Variants in CD47 observed in about 807,000 individuals in gnomAD.
The protein encoded by CD47 is CD47 molecule, also known as leukocyte surface antigen CD47.
CD47 carries 11 observed loss-of-function variants against 44.6 expected under a neutral mutation model. That is an observed-to-expected ratio of 0.25 (90% CI 0.16 to 0.41). The LOEUF (loss-of-function observed/expected upper bound fraction) is 0.41, where lower values mean the gene tolerates loss of function less well. Ranked by LOEUF, CD47 falls within the 10% of genes least tolerant of loss-of-function variation. The pLI is 1.00. For missense variants in CD47, 306 were observed against 386.7 expected (o/e 0.79, Z 1.75); for synonymous variants, 140 against 136.3 (o/e 1.03, Z -0.19).
intron 3 of CD47, among the ~76,000 whole-genome samples, chr3:108,061,760 C>T (rs909173135): frequency 2.6e-5 from 4 of 152,092 alleles, no homozygotes; most frequent in African/African-American, 7.2e-5. Context: ...AACTGAGTAG[C>T]GGAAAGAAAC....
chr3:108,089,203 G>A lies in CD47; in HGVS notation c.46+1660C>T, dbSNP rs2079580649. 1.3e-5 allele frequency among the ~76,000 whole-genome samples: 2 copies of A among 151,976 alleles called. 1 individual carries two copies. The highest frequency in any genetic ancestry group is 4.1e-4 in the South Asian group (2 of 4,820). ...AACACAACTCAACTGCATAATGCCT[G>A]TATTTTGCTTTTTTTTTAGGTTAAT... On this transcript the variant is annotated intron_variant, in intron 1 of 10. Coordinates refer to ENST00000361309, the MANE Select transcript of CD47 (RefSeq NM_001777.4).
chr3:108,090,827 C>CAGCAGCCGCAGGGCTGGGAGCG, intron 1 of CD47, 36 bp downstream of exon 1: 2 of 1,462,290 alleles, frequency 1.4e-6, no homozygotes, highest in Non-Finnish European at 1.8e-6. Context: ...GGCGAAGCGA[C>CAGCAGCCGCAGGGCTGGGAGCG]AGCAGCCGCA....
intron 2 of CD47, 92 bp from the exon 3 acceptor site, chr3:108,071,274 A>G (rs2079196684): frequency 3.4e-6 from 2 of 588,970 alleles, no homozygotes; most frequent in Non-Finnish European, 5.9e-6. Context: ...TATTATAGAG[A>G]TGGAAAAAAA....
At chr3:108,082,575 G>C (rs1391520813) in intron 1 of CD47, among the ~76,000 whole-genome samples, 1 of 151,730 alleles carries the variant, frequency 6.6e-6, no homozygotes, top group Non-Finnish European at 1.5e-5. Context: ...TTTTATATTT[G>C]TATGAATCAT....
At chr3:108,075,672 G>T (rs2079297532) in intron 2 of CD47, among the ~76,000 whole-genome samples, 1 of 152,126 alleles carries the variant, frequency 6.6e-6, no homozygotes, top group Non-Finnish European at 1.5e-5. Context: ...TGGGAGACTA[G>T]GACTGTGAAT....
chr3:108,065,589 G>C (rs1037454470), intron 3 of CD47, among the ~76,000 whole-genome samples: 2 of 151,924 alleles, frequency 1.3e-5, no homozygotes, highest in African/African-American at 4.8e-5. Flanking sequence ...GAGACAGACG[G>C]ATCACGAGGT....
intron 10 of CD47, among the ~76,000 whole-genome samples, chr3:108,047,516 T>A (rs2078740450): frequency 6.6e-6 from 1 of 152,230 alleles, no homozygotes; most frequent in South Asian, 2.1e-4. Context: ...AGTCTGATAA[T>A]CTCTGTTTGC....
rs1000652265 is a variant in CD47, at chr3:108,048,294, C to A, written c.968-1002G>T. 5.4e-5 allele frequency among the ~76,000 whole-genome samples: 8 copies of A among 146,868 alleles called. No homozygotes were observed. The Admixed American group carries it at 5.5e-4, about 10-fold the overall frequency. On this transcript the variant is annotated intron_variant, in intron 10 of 10. Coordinates refer to ENST00000361309, the MANE Select transcript of CD47 (RefSeq NM_001777.4). The stretch of plus-strand genomic sequence containing the variant: ...TTTTAAAGGCTGTGACACAAACATA[C>A]AAAAGTAGGATCATTCTGTGACTCC...
At chr3:108,074,590 AGGCGTG>A (rs1044294976) in intron 2 of CD47, among the ~76,000 whole-genome samples, 2 of 151,870 alleles carry the variant, frequency 1.3e-5, no homozygotes, top group African/African-American at 4.8e-5. Flanking sequence ...CTGGTATTAC[AGGCGTG>A]GGCTGCCACA....
At chr3:108,083,684 C>T (rs1387894081) in intron 1 of CD47, among the ~76,000 whole-genome samples, 2 of 151,916 alleles carry the variant, frequency 1.3e-5, no homozygotes, top group East Asian at 1.9e-4. Context: ...CCTGCTCCTC[C>T]GGGCCTTCAA....
At chr3:108,050,175 T>C (rs1003908707) in intron 9 of CD47, among the ~76,000 whole-genome samples, 2 of 152,184 alleles carry the variant, frequency 1.3e-5, no homozygotes, top group African/African-American at 4.8e-5. Flanking sequence ...TGGAGTGCGG[T>C]GGCATGATCT....
chr3:108,059,834 T>C (rs1389060125), intron 4 of CD47, among the ~76,000 whole-genome samples: 1 of 152,220 alleles, frequency 6.6e-6, no homozygotes, highest in Non-Finnish European at 1.5e-5. Flanking sequence ...CTTCATCTGC[T>C]GTATTCAGTA....
chr3:108,057,480 C>T lies in CD47; in HGVS notation c.874G>A (p.Val292Met). The change falls in exon 7 of 11, where the codon GTG (valine) becomes ATG (methionine). Residue 292 changes from valine (V) to methionine (M), a missense_variant. Transcript: ENST00000361309. ...QLLGLVYMKF[V>M]ASNQKTIQPP... ...AATGAAAATAAGATTGACTTACCCA[C>T]AAATTTCATATAAACTAGTCCAAGT... 1 of 1,444,442 alleles carries T rather than the reference C, an allele frequency of 6.9e-7. No individual in the cohort carries two copies. The highest frequency in any genetic ancestry group is 1.2e-5 in the South Asian group (1 of 86,032). The allele number at this position is 1,444,442 out of a possible 1,614,324, so 89.5% of individuals were successfully genotyped here.
intron 7 of CD47, among the ~76,000 whole-genome samples, chr3:108,054,969 A>C (rs889914200): frequency 2.0e-5 from 3 of 152,178 alleles, no homozygotes; most frequent in African/African-American, 7.2e-5. Context: ...GCCCAACTTT[A>C]GTGAGTTTGG....
chr3:108,052,007 AAT>A, intron 7 of CD47, 37 bp from the exon 8 acceptor site: 1 of 1,019,072 alleles, frequency 9.8e-7, no homozygotes, highest in South Asian at 1.4e-5. Flanking sequence ...AAATTTAATA[AAT>A]GAAATAAACT....
chr3:108,063,116 C>T (rs977191102), intron 3 of CD47, among the ~76,000 whole-genome samples: 2 of 152,100 alleles, frequency 1.3e-5, no homozygotes, highest in Non-Finnish European at 2.9e-5. Flanking sequence ...TAAAATGGTC[C>T]GTCTCTCTTT....
chr3:108,080,107 T>A lies in CD47; in HGVS notation c.284A>T (p.Asp95Val). The change falls in exon 2 of 11, where the codon GAT becomes GTT. Residue 95 changes from aspartate to valine, a missense_variant. Asp to Val is a radical substitution (Grantham distance 152). This residue lies in a region of CD47 where 47 missense variants were observed against 36.2 expected (regional missense o/e 1.30). Coordinates refer to ENST00000361309, the MANE Select transcript of CD47 (RefSeq NM_001777.4). ...ACTCTTATCCATCTTCAAAGAGGCA[T>A]CTCCTTTTAGTAATTGTGAGACTTC... Reference protein sequence around the residue: ...KIEVSQLLKGDASLKMDKSDA... With the variant: ...KIEVSQLLKGVASLKMDKSDA... 6.2e-7 allele frequency: 1 copy of A among 1,613,066 alleles called. No homozygotes were observed. Among genetic ancestry groups the A allele is most frequent in the South Asian group, 1.1e-5 (1 of 91,060 alleles).
intron 1 of CD47, among the ~76,000 whole-genome samples, chr3:108,089,531 T>C (rs981391595): frequency 6.6e-6 from 1 of 152,228 alleles, no homozygotes; most frequent in Non-Finnish European, 1.5e-5. Context: ...GAAATTATTA[T>C]GCGATTATAC....
chr3:108,043,609 T>C lies in CD47; in HGVS notation c.*3679A>G, dbSNP rs563858672. ...CTGGAGTTCTCTTTATTTAGAATGGTTAATAGATATTTATACGATGTGGGA... is the reference window on the plus strand; with the variant it reads ...CTGGAGTTCTCTTTATTTAGAATGGCTAATAGATATTTATACGATGTGGGA... On this transcript the variant is annotated 3_prime_UTR_variant, in exon 11 of 11. Transcript: ENST00000361309. 385 of 152,756 alleles carry C rather than the reference T, an allele frequency of 2.5e-3. 1 individual carries two copies. The highest frequency in any genetic ancestry group is 4.6e-3 in the Non-Finnish European group (312 of 68,020). The allele number at this position is 152,756 out of a possible 1,614,324, so 9.5% of individuals were successfully genotyped here.
Sources: allele counts gnomAD v4.1 joint callset (sites outside exome capture counted in the v4.1 genomes callset), GRCh38; gene constraint gnomAD v4.1.1; regional missense constraint gnomAD v4.1.1; transcripts MANE v1.5; gene names NCBI Gene and HGNC (gene_info 2026-07-23, HGNC 2026-07-21).